The following CC2D1A variants were observed in gnomAD, a reference collection of about 807,000 sequenced individuals.
CC2D1A encodes the protein coiled-coil and C2 domain containing 1A.
Under a neutral mutation model 123.8 loss-of-function variants are expected in CC2D1A, and 68 were observed. The observed-to-expected ratio is 0.55, with a 90% confidence interval of 0.45 to 0.67. CC2D1A has a LOEUF of 0.67. CC2D1A is among the 30% of genes least tolerant of loss of function. CC2D1A has a pLI of 0.00. For synonymous variants in CC2D1A, 477 were observed against 528.0 expected (o/e 0.90, Z 1.32); for missense variants, 1,185 against 1,290.3 (o/e 0.92, Z 1.25).
chr19:13,927,132 C>A (rs766074960), intron 21 of CC2D1A, 43 bp from the exon 22 acceptor site: 1 of 1,611,646 alleles, frequency 6.2e-7, no homozygotes, highest in Non-Finnish European at 8.5e-7. Flanking sequence ...GGGAGCTCCT[C>A]TGAACCAACC....
chr19:13,920,437 T>G, intron 12 of CC2D1A, 120 bp from the exon 13 acceptor site: 3 of 665,794 alleles, frequency 4.5e-6, no homozygotes, highest in South Asian at 1.7e-5. Context: ...GGCAGGGGAG[T>G]AGCAAAGTCC....
At chr19:13,920,183 C>T in intron 12 of CC2D1A, 1 of 519,106 alleles carries the variant, frequency 1.9e-6, no homozygotes, top group Non-Finnish European at 3.4e-6. Context: ...CTAAGGAGTT[C>T]AAGGCTGCAG....
At chr19:13,916,140 C>A (rs889339917) in intron 6 of CC2D1A, among the ~76,000 whole-genome samples, 2 of 152,098 alleles carry the variant, frequency 1.3e-5, no homozygotes, top group African/African-American at 4.8e-5. Context: ...GCTGGTAGTC[C>A]CAGCCACTCG....
At chr19:13,926,753 C>G in intron 19 of CC2D1A, 28 bp downstream of exon 19, 1 of 1,614,102 alleles carries the variant, frequency 6.2e-7, no homozygotes, top group Non-Finnish European at 8.5e-7. Flanking sequence ...GAGGGGAGGG[C>G]TGCAGCCTCA....
chr19:13,919,091 C>T (rs377677009), intron 10 of CC2D1A, 39 bp from the exon 11 acceptor site: 17 of 1,603,102 alleles, frequency 1.1e-5, no homozygotes, highest in Non-Finnish European at 1.3e-5. Flanking sequence ...AGCCCGGGAG[C>T]CCTCCCACAG....
intron 2 of CC2D1A, 78 bp downstream of exon 2, chr19:13,910,036 T>A: frequency 7.3e-7 from 1 of 1,370,558 alleles, no homozygotes; most frequent in South Asian, 1.7e-5. Context: ...GGGCACTGGG[T>A]AGGTAGGGGA....
Position 13,919,801 on chromosome 19 carries a change from C to G in CC2D1A, c.1223-17C>G. 6.3e-7 allele frequency: 1 copy of G among 1,587,248 alleles called. No individual in the cohort carries two copies. On this transcript the variant is annotated splice_polypyrimidine_tract_variant and intron_variant, in intron 11 of 28. Transcript: ENST00000318003. ...CCATCCTGACACACAATAACCAGGC[C>G]TCGACTGGCCACCCAGGCTTCCCCC... is the stretch of plus-strand genomic sequence containing the variant.
Position 13,926,045 on chromosome 19 carries a change from CACGTATATATATGTATATAT to C in CC2D1A, c.1941-469_1941-450del, listed in dbSNP as rs1372200877. On this transcript the variant is annotated intron_variant, in intron 17 of 28. Coordinates refer to ENST00000318003, the MANE Select transcript of CC2D1A (RefSeq NM_017721.5). ...ATATATGTGTATATATATATATATACACGTATATATATGTATATATACACACACACACACACACACACATA... is the reference window on the plus strand; with the variant it reads ...ATATATGTGTATATATATATATATACACACACACACACACACACACACATA... Among the ~76,000 whole-genome samples, 5 of 108,180 alleles carry C rather than the reference CACGTATATATATGTATATAT, an allele frequency of 4.6e-5. 1 individual carries two copies. The highest frequency in any genetic ancestry group is 1.1e-4 in the African/African-American group (2 of 17,954). 71.0% of individuals were successfully genotyped at this position (108,180 alleles called of 152,430 possible). A position where few individuals can be genotyped will look rare whatever the true frequency, so the allele number is the denominator to read the frequency against.
intron 2 of CC2D1A, among the ~76,000 whole-genome samples, chr19:13,910,582 C>T (rs1330329610): frequency 1.3e-5 from 2 of 151,842 alleles, no homozygotes; most frequent in Non-Finnish European, 2.9e-5. Context: ...ATCTGGAGTC[C>T]ATAAGTATTT....
rs554003391 is a variant in CC2D1A at position 13,923,672 on chromosome 19, G to C, written c.1824-23G>C. The C allele has an allele frequency of 1.7e-5, 28 of 1,613,474 alleles. No individual in the cohort carries two copies. The highest frequency in any genetic ancestry group is 1.2e-4 in the Admixed American group (7 of 60,016). On this transcript the variant is annotated intron_variant, in intron 16 of 28. Coordinates refer to ENST00000318003, the MANE Select transcript of CC2D1A (RefSeq NM_017721.5). The surrounding 1 kb of genome is among the most constrained non-coding windows in gnomAD (Gnocchi z 5.3). ...CACCCATCCCCAGGGCCAGGGACAT[G>C]AGCAGGGCCCTCCCACCGGCAGGTT...
At chr19:13,926,027 T>TATATATATATATAC (rs1971614874) in intron 17 of CC2D1A, among the ~76,000 whole-genome samples, 1 of 103,480 alleles carries the variant, frequency 9.7e-6, no homozygotes, top group African/African-American at 6.4e-5. Flanking sequence ...TATATATATG[T>TATATATATATATAC]GTATATATAT....
chr19:13,930,681 G>C lies in CC2D1A; in HGVS notation c.*286G>C, dbSNP rs924182076. On this transcript the variant is annotated 3_prime_UTR_variant, in exon 29 of 29. Transcript: ENST00000318003. The surrounding 1 kb of genome is among the most constrained non-coding windows in gnomAD (Gnocchi z 6.8). ...CTCTGGCCCGCCCCGGAGCAGGGAG[G>C]GTGGCTGGGGCCAAGCCCCGAGGGC... 1.4e-5 allele frequency: 7 copies of C among 498,298 alleles called. No homozygotes were observed. The highest frequency in any genetic ancestry group is 1.2e-4 in the African/African-American group (6 of 51,210). The allele number at this position is 498,298 out of a possible 1,614,324, so 30.9% of individuals were successfully genotyped here. A position where few individuals can be genotyped will look rare whatever the true frequency, so the allele number is the denominator to read the frequency against.
chr19:13,925,790 G>A (rs575203632), intron 17 of CC2D1A, among the ~76,000 whole-genome samples: 1 of 150,042 alleles, frequency 6.7e-6, no homozygotes, highest in African/African-American at 2.5e-5. Context: ...AGTGGTGGCG[G>A]GCAGCTGTAA....
In CC2D1A at chr19:13,923,585, G is replaced by A. The variant is rs775132962; in HGVS notation, c.1802G>A (p.Gly601Asp). The change falls in exon 16 of 29, where the codon GGC becomes GAC. Residue 601 changes from glycine (G) to aspartate (D), a missense_variant. Transcript: ENST00000318003. This position sits in a 1 kb window ranked among gnomAD's most constrained non-coding sequence, Gnocchi z 5.3. ...CACTCAAACCAATTCACCCAGCTGGGCAACATCACTGAAACCACCAAGTAA... is the reference window on the plus strand; with the variant it reads ...CACTCAAACCAATTCACCCAGCTGGACAACATCACTGAAACCACCAAGTAA... ...LNHSNQFTQL[G>D]NITETTKFEK... The A allele has an allele frequency of 8.7e-6, 14 of 1,614,172 alleles. No homozygotes were observed. The highest frequency in any genetic ancestry group is 1.0e-5 in the Non-Finnish European group (12 of 1,180,032).
Position 13,926,809 on chromosome 19 carries a change from C to T in CC2D1A, c.2074-12C>T, listed in dbSNP as rs750291723. On this transcript the variant is annotated splice_polypyrimidine_tract_variant and intron_variant, in intron 19 of 28. Coordinates refer to ENST00000318003, the MANE Select transcript of CC2D1A (RefSeq NM_017721.5). ...AGGCCCCCTAGATTTCCTGCCTCCT[C>T]TCTGGTCATAGGAAGAAGCTCAGAA... 6.2e-7 allele frequency: 1 copy of T among 1,614,054 alleles called. No individual in the cohort carries two copies. The highest frequency in any genetic ancestry group is 1.7e-5 in the Admixed American group (1 of 60,016).
chr19:13,913,142 C>T, intron 4 of CC2D1A, 26 bp from the exon 5 acceptor site: 1 of 1,579,872 alleles, frequency 6.3e-7, no homozygotes, highest in Non-Finnish European at 8.6e-7. Context: ...GGTCACCACC[C>T]ACACTGTGCC....
At chr19:13,919,074 A>G (rs1971311006) in intron 10 of CC2D1A, 32 bp downstream of exon 10, 5 of 1,602,644 alleles carry the variant, frequency 3.1e-6, no homozygotes, top group Non-Finnish European at 4.3e-6. Context: ...AGGTGGGGCG[A>G]GTGGGCAGCC....
rs1485633393 is a variant in CC2D1A at position 13,918,515 on chromosome 19, T to C, written c.885T>C (p.Ala295=). 6.2e-7 allele frequency: 1 copy of C among 1,613,894 alleles called. No individual in the cohort carries two copies. The highest frequency in any genetic ancestry group is 8.5e-7 in the Non-Finnish European group (1 of 1,179,918). ...RHFRVAKSFD[A]VLEALSRGEP... The stretch of plus-strand genomic sequence containing the variant: ...CTTCCTTCTCCCAGAGCTTTGATGC[T>C]GTCTTGGAGGCCCTGAGCCGGGGTG... Residue 295 remains alanine (A), a synonymous_variant, in exon 8 of 29, where the codon GCT becomes GCC. Transcript: ENST00000318003.
rs986294838 is a variant in CC2D1A, at chr19:13,909,770, C to T, written c.61-53C>T. 2.0e-5 allele frequency: 32 copies of T among 1,609,156 alleles called. No individual in the cohort carries two copies. In the African/African-American group the frequency reaches 4.0e-4, roughly 20 times the overall value. On this transcript the variant is annotated intron_variant, in intron 1 of 28. Coordinates refer to ENST00000318003, the MANE Select transcript of CC2D1A (RefSeq NM_017721.5). ...GGGACTCTCTGGCCATCATGGCTGC[C>T]TCTAGCCATGTGGTGAACCAAAGGT... is the stretch of plus-strand genomic sequence containing the variant.
Sources: gnomAD v4.1 joint callset for allele counts (sites outside exome capture counted in the v4.1 genomes callset) on GRCh38, gnomAD v4.1.1 for gene constraint, Gnocchi (gnomAD v3.1) non-coding constraint, MANE v1.5 for transcripts, NCBI Gene and HGNC (gene_info 2026-07-23, HGNC 2026-07-21) for gene names.